Variants in LMF1 observed in about 807,000 individuals in gnomAD.
The protein encoded by LMF1 is transmembrane protein 112.
A neutral mutation model predicts 60.6 loss-of-function variants in LMF1; 68 were observed. The ratio of observed to expected loss-of-function variants is 1.12; its 90% CI spans 0.92 to 1.37. The LOEUF (loss-of-function observed/expected upper bound fraction) is 1.37, where lower values mean the gene tolerates loss of function less well. Ranked by LOEUF, LMF1 falls within the 40% of genes most tolerant of loss-of-function variation. The pLI is 0.00. For missense variants in LMF1, 948 were observed against 767.2 expected, an observed-to-expected ratio of 1.24 and a Z score of -2.78; for synonymous variants, 418 against 324.7, an observed-to-expected ratio of 1.29 and a Z score of -3.09.
At position 962,950 on chromosome 16, in the gene LMF1, C is replaced by A. The variant is rs1048276669; in HGVS notation, c.193+7838G>T. ...GGCCACAGGCAGAGCACCGCAGGGC[C>A]CTGGGCGACGAAAGGGTCAGGGCTG... is the stretch of plus-strand genomic sequence containing the variant. On this transcript the variant is annotated intron_variant, in intron 1 of 10. Coordinates refer to ENST00000262301, the MANE Select transcript of LMF1 (RefSeq NM_022773.4). The surrounding 1 kb of genome is among the most constrained non-coding windows in gnomAD (Gnocchi z 4.5). Among the ~76,000 whole-genome samples, 5 of 152,144 alleles carry A rather than the reference C, an allele frequency of 3.3e-5. No homozygotes were observed. Among genetic ancestry groups the A allele is most frequent in the Non-Finnish European group, 4.4e-5 (3 of 68,012 alleles).
At chr16:893,836 G>T (rs984016281) in intron 4 of LMF1, among the ~76,000 whole-genome samples, 4 of 152,172 alleles carry the variant, frequency 2.6e-5, no homozygotes, top group Admixed American at 2.0e-4. Context: ...TAAAATCACC[G>T]CTGAGACACA....
At chr16:870,637 G>T in intron 8 of LMF1, 92 bp downstream of exon 8, 1 of 1,444,738 alleles carries the variant, frequency 6.9e-7, no homozygotes, top group Non-Finnish European at 9.6e-7. Flanking sequence ...GGGTCATGGG[G>T]GCCTGCACTG....
intron 10 of LMF1, among the ~76,000 whole-genome samples, chr16:861,558 C>T (rs1054581018): frequency 6.6e-6 from 1 of 151,920 alleles, no homozygotes; most frequent in African/African-American, 2.4e-5. Flanking sequence ...CAGGGTTTCT[C>T]TATGTTAGGC....
At chr16:912,467 A>G (rs937401849) in intron 3 of LMF1, among the ~76,000 whole-genome samples, 2 of 152,226 alleles carry the variant, frequency 1.3e-5, no homozygotes, top group African/African-American at 2.4e-5. Context: ...ACTGTAACCC[A>G]AAGTACAAAA....
Position 855,622 on chromosome 16 carries a change from G to A in LMF1, c.1530-916C>T, listed in dbSNP as rs7201357. The A allele has an allele frequency of 2.2e-3, 992 of 443,456 alleles. 6 individuals carry two copies. The highest frequency in any genetic ancestry group is 0.018 in the African/African-American group (920 of 49,828). The allele number at this position is 443,456 out of a possible 1,614,324, so 27.5% of individuals were successfully genotyped here. Reference sequence around the variant, plus strand: ...CCCTTCGCAGTTGTGCAGCAGGAGCGGAAGCTTCTCAGCCCACAGGGCGGC... The same window carrying A: ...CCCTTCGCAGTTGTGCAGCAGGAGCAGAAGCTTCTCAGCCCACAGGGCGGC... On this transcript the variant is annotated intron_variant, in intron 10 of 10. Transcript: ENST00000262301.
At chr16:885,165 T>C (rs937444757) in intron 5 of LMF1, 2 of 152,258 alleles carry the variant, frequency 1.3e-5, no homozygotes, top group Non-Finnish European at 1.5e-5. Flanking sequence ...AGGCATAGTA[T>C]ACCTTGAAGG....
intron 3 of LMF1, among the ~76,000 whole-genome samples, chr16:917,043 C>T (rs2071298141): frequency 6.6e-6 from 1 of 152,358 alleles, no homozygotes; most frequent in Admixed American, 6.5e-5. Context: ...AGACGCCACC[C>T]AGGGGCTGCC....
At chr16:949,535 G>A (rs1367223704) in intron 2 of LMF1, among the ~76,000 whole-genome samples, 2 of 139,992 alleles carry the variant, frequency 1.4e-5, no homozygotes, top group Non-Finnish European at 1.5e-5. Context: ...CAACGACAGA[G>A]TCAGAGCCAA....
rs555906004 is a variant in LMF1, at chr16:959,666, C to A, written c.194-5000G>T. Among the ~76,000 whole-genome samples, 6 of 152,178 alleles carry A rather than the reference C, an allele frequency of 3.9e-5. No individual in the cohort carries two copies. In the South Asian group the frequency reaches 1.2e-3, roughly 31 times the overall value. On this transcript the variant is annotated intron_variant, in intron 1 of 10. Coordinates refer to ENST00000262301, the MANE Select transcript of LMF1 (RefSeq NM_022773.4). The stretch of plus-strand genomic sequence containing the variant: ...CGGAAAATGTTCTGAGTGGAGACCG[C>A]AAGGCCAGAAGGAGCTGTACACAAA...
chr16:886,947 T>G (rs2151723547), intron 5 of LMF1: 1 of 150,270 alleles, frequency 6.7e-6, no homozygotes, highest in South Asian at 2.1e-4. Context: ...AACATTCTCT[T>G]CTTACAAAAA....
chr16:883,858 C>G (rs1004257456), intron 5 of LMF1: 2 of 152,146 alleles, frequency 1.3e-5, no homozygotes, highest in African/African-American at 4.8e-5. Flanking sequence ...GACAAATAAT[C>G]AAATTGTCAC....
chr16:924,217 G>A (rs1175186170), intron 3 of LMF1, among the ~76,000 whole-genome samples: 1 of 152,202 alleles, frequency 6.6e-6, no homozygotes, highest in African/African-American at 2.4e-5. Flanking sequence ...TATACACAGT[G>A]TCTAACCGTG....
In LMF1 at chr16:870,181, G is replaced by T. The variant is rs993241886; in HGVS notation, c.1233-115C>A. 2.0e-5 allele frequency: 22 copies of T among 1,119,890 alleles called. No individual in the cohort carries two copies. In the African/African-American group the frequency reaches 3.2e-4, roughly 17 times the overall value. The allele number at this position is 1,119,890 out of a possible 1,614,324, so 69.4% of individuals were successfully genotyped here. ...ATCCTGGCCCAGGGGGAGGGCTACA[G>T]CCTCCACCTGCCTCCTGGTCAGGGG... On this transcript the variant is annotated intron_variant, in intron 8 of 10. Coordinates refer to ENST00000262301, the MANE Select transcript of LMF1 (RefSeq NM_022773.4).
Position 874,911 on chromosome 16 carries a change from C to A in LMF1, c.898-3570G>T, listed in dbSNP as rs1337039359. Among the ~76,000 whole-genome samples the A allele has an allele frequency of 1.3e-5, 2 of 152,190 alleles. No individual in the cohort carries two copies. Among genetic ancestry groups the A allele is most frequent in the African/African-American group, 2.4e-5 (1 of 41,440 alleles). On this transcript the variant is annotated intron_variant, in intron 6 of 10. Transcript: ENST00000262301. The surrounding 1 kb of genome is among the most constrained non-coding windows in gnomAD (Gnocchi z 4.1). ...CCCACACCATATCATCCCCCAGACA[C>A]CCTCTGCCCTGTACGCCTGTGGGGG...
chr16:885,494 G>A (rs537974400), intron 5 of LMF1, among the ~76,000 whole-genome samples: 15 of 152,252 alleles, frequency 9.9e-5, no homozygotes, highest in African/African-American at 3.6e-4. Flanking sequence ...AGCTCTAAGA[G>A]ATCCGCTTCA....
chr16:870,213 A>G, intron 8 of LMF1, 147 bp from the exon 9 acceptor site: 1 of 918,876 alleles, frequency 1.1e-6, no homozygotes. Context: ...GGGGCTACTG[A>G]GAGGCTGGGT....
chr16:964,088 G>C (rs1207147756), intron 1 of LMF1: 1 of 455,972 alleles, frequency 2.2e-6, no homozygotes, highest in Non-Finnish European at 4.4e-6. Flanking sequence ...ATACCGTGTC[G>C]CCCGAGCAGC....
At chr16:888,977 T>G (rs1353594311) in intron 5 of LMF1, among the ~76,000 whole-genome samples, 1 of 152,152 alleles carries the variant, frequency 6.6e-6, no homozygotes, top group Non-Finnish European at 1.5e-5. Flanking sequence ...ACAACGGTGC[T>G]GAGGACATGG....
chr16:976,569 T>A lies in LMF1; in HGVS notation c.-135+4576A>T, dbSNP rs1275834855. On this transcript the variant is annotated intron_variant, in intron 1 of 6. Coordinates refer to the LMF1 transcript ENST00000570014. ...GCCCCAGGGCTCCTGCCTAGGGATG[T>A]TTTGGGGCTGCAGAAGGACCCTCTG... is the stretch of plus-strand genomic sequence containing the variant. 6 of 453,906 alleles carry A rather than the reference T, an allele frequency of 1.3e-5. No homozygotes were observed. In the Admixed American group the frequency reaches 1.4e-4, roughly 11 times the overall value. The allele number at this position is 453,906 out of a possible 1,614,324, so 28.1% of individuals were successfully genotyped here.
Sources: allele counts gnomAD v4.1 joint callset (sites outside exome capture counted in the v4.1 genomes callset), GRCh38; gene constraint gnomAD v4.1.1; non-coding constraint Gnocchi (gnomAD v3.1); transcripts MANE v1.5; gene names NCBI Gene and HGNC (gene_info 2026-07-23, HGNC 2026-07-21).